CLN6: variants seen among roughly 807,000 people sequenced by gnomAD.
CLN6 encodes ceroid-lipofuscinosis neuronal protein 6.
CLN6 carries 22 observed loss-of-function variants against 33.3 expected under a neutral mutation model. That is an observed-to-expected ratio of 0.66 (90% CI 0.47 to 0.94). The LOEUF is 0.94. Among genes scored for constraint, CLN6 ranks in the 40% least tolerant of loss-of-function variants. CLN6 has a pLI of 0.00. For synonymous variants in CLN6, 201 were observed against 174.6 expected, an observed-to-expected ratio of 1.15 and a Z score of -1.19; for missense variants, 387 against 417.1, an observed-to-expected ratio of 0.93 and a Z score of 0.63.
intron 1 of CLN6, among the ~76,000 whole-genome samples, chr15:68,238,412 A>AG (rs1447808066): frequency 1.3e-5 from 2 of 152,154 alleles, no homozygotes; most frequent in East Asian, 3.9e-4. Flanking sequence ...AAAAAAAAAA[A>AG]GAAAAAGAAA....
intron 1 of CLN6, among the ~76,000 whole-genome samples, chr15:68,252,742 C>T (rs556554091): frequency 5.3e-5 from 8 of 152,222 alleles, no homozygotes; most frequent in African/African-American, 1.9e-4. Flanking sequence ...CACACATCAA[C>T]CTGGTCAAAT....
chr15:68,231,887 C>G (rs2093269117), upstream of CLN6, among the ~76,000 whole-genome samples: 1 of 152,198 alleles, frequency 6.6e-6, no homozygotes, highest in Non-Finnish European at 1.5e-5. Flanking sequence ...ACACCATCTT[C>G]ATTAGCTCTT....
Position 68,211,896 on chromosome 15 carries a change from CCA to C in CLN6, c.298-35_298-34del, listed in dbSNP as rs767729558. Reference sequence around the variant, plus strand: ...TCAGAGTGGGGTTGGCAGCATGACCCCACCTCTGTCACAGTATGTGACACCCT... The same window carrying C: ...TCAGAGTGGGGTTGGCAGCATGACCCCCTCTGTCACAGTATGTGACACCCT... On this transcript the variant is annotated intron_variant, in intron 3 of 6. Transcript: ENST00000249806. This position sits in a 1 kb window ranked among gnomAD's most constrained non-coding sequence, Gnocchi z 5.9. The C allele has an allele frequency of 2.5e-6, 4 of 1,607,364 alleles. No homozygotes were observed. The Admixed American group carries it at 6.7e-5, about 27-fold the overall frequency.
chr15:68,227,532 TG>T lies in CLN6; in HGVS notation c.83+1969del, dbSNP rs1006167231. 4.1e-4 allele frequency among the ~76,000 whole-genome samples: 62 copies of T among 152,238 alleles called. No homozygotes were observed. Among genetic ancestry groups the T allele is most frequent in the African/African-American group, 1.4e-3 (59 of 41,564 alleles). ...CTGGGAATGGGCTGAAGCCACATTG[TG>T]GGGGGCAGAGACACCCTGGGAGACA... is the stretch of plus-strand genomic sequence containing the variant. On this transcript the variant is annotated intron_variant, in intron 1 of 6. Coordinates refer to ENST00000249806, the MANE Select transcript of CLN6 (RefSeq NM_017882.3). The surrounding 1 kb of genome is among the most constrained non-coding windows in gnomAD (Gnocchi z 4.1).
rs1465052565 is a variant in CLN6, at chr15:68,228,198, A to G, written c.83+1304T>C. Among the ~76,000 whole-genome samples the G allele has an allele frequency of 6.6e-6, 1 of 152,176 alleles. No individual in the cohort carries two copies. Among genetic ancestry groups the G allele is most frequent in the East Asian group, 1.9e-4 (1 of 5,190 alleles). On this transcript the variant is annotated intron_variant, in intron 1 of 6. Coordinates refer to ENST00000249806, the MANE Select transcript of CLN6 (RefSeq NM_017882.3). This position sits in a 1 kb window ranked among gnomAD's most constrained non-coding sequence, Gnocchi z 4.4. ...AAACGGACACAGTCCGCAGCTGCTC[A>G]GCCCGCATGTCCGCAGCAGCAGAAA...
upstream of CLN6, among the ~76,000 whole-genome samples, chr15:68,233,099 G>A (rs773165319): frequency 2.0e-5 from 3 of 152,078 alleles, no homozygotes; most frequent in South Asian, 2.1e-4. This position sits in a 1 kb window ranked among gnomAD's most constrained non-coding sequence, Gnocchi z 4.3. Flanking sequence ...CCTTCCAGAC[G>A]GAGTGGTGGC....
At chr15:68,252,539 A>G (rs1419398000) in intron 1 of CLN6, among the ~76,000 whole-genome samples, 2 of 152,220 alleles carry the variant, frequency 1.3e-5, no homozygotes, top group East Asian at 3.8e-4. Flanking sequence ...TATTGTGTAA[A>G]TTGGTACAAT....
chr15:68,237,562 G>GA (rs748722984), intron 1 of CLN6, among the ~76,000 whole-genome samples: 1 of 152,126 alleles, frequency 6.6e-6, no homozygotes. Flanking sequence ...AAATAAAGCT[G>GA]AGTAGTGAAT....
chr15:68,208,094 G>GCCCCCCCCCCCCCCCC lies in CLN6; in HGVS notation c.*45_*46insGGGGGGGGGGGGGGGG. ...CTCCTGTATTCAGATGCCCTCCATG[G>GCCCCCCCCCCCCCCCC]CCCACCCTCCCACCCAGCAGAGCGC... On this transcript the variant is annotated 3_prime_UTR_variant, in exon 7 of 7. Coordinates refer to ENST00000249806, the MANE Select transcript of CLN6 (RefSeq NM_017882.3). This position sits in a 1 kb window ranked among gnomAD's most constrained non-coding sequence, Gnocchi z 5.8. 2.9e-6 allele frequency: 4 copies of GCCCCCCCCCCCCCCCC among 1,375,276 alleles called. No homozygotes were observed. Among genetic ancestry groups the GCCCCCCCCCCCCCCCC allele is most frequent in the Non-Finnish European group, 4.0e-6 (4 of 992,022 alleles). 85.2% of individuals were successfully genotyped at this position (1,375,276 alleles called of 1,614,324 possible).
At chr15:68,215,839 A>G (rs922828763) in intron 2 of CLN6, among the ~76,000 whole-genome samples, 7 of 152,162 alleles carry the variant, frequency 4.6e-5, no homozygotes, top group Admixed American at 3.9e-4. Context: ...AAGGATGTAT[A>G]TATGTGTTTG....
chr15:68,248,779 A>G (rs1010098186), intron 1 of CLN6, among the ~76,000 whole-genome samples: 3 of 152,232 alleles, frequency 2.0e-5, no homozygotes, highest in Admixed American at 1.3e-4. Context: ...GGCACAGACA[A>G]CAAAACCAAA....
In CLN6 at chr15:68,211,335, C is replaced by G; in HGVS notation, c.487-17G>C. 6.2e-7 allele frequency: 1 copy of G among 1,613,784 alleles called. No individual in the cohort carries two copies. Among genetic ancestry groups the G allele is most frequent in the Non-Finnish European group, 8.5e-7 (1 of 1,179,890 alleles). On this transcript the variant is annotated splice_polypyrimidine_tract_variant and intron_variant, in intron 4 of 6. Transcript: ENST00000249806. This position sits in a 1 kb window ranked among gnomAD's most constrained non-coding sequence, Gnocchi z 5.9. Reference sequence around the variant, plus strand: ...GGAGTCGATCTGAGGGAGGAACGGGCAGGGCAGAGTCGGGGGATGTCGATG... The same window carrying G: ...GGAGTCGATCTGAGGGAGGAACGGGGAGGGCAGAGTCGGGGGATGTCGATG...
At chr15:68,253,739 ACTT>A (rs1229078232) in intron 1 of CLN6, among the ~76,000 whole-genome samples, 7 of 152,236 alleles carry the variant, frequency 4.6e-5, no homozygotes, top group African/African-American at 1.4e-4. Flanking sequence ...GTCGGCAGAT[ACTT>A]CTTTTTTAGC....
chr15:68,233,227 C>A (rs1299354908), upstream of CLN6, among the ~76,000 whole-genome samples: 1 of 151,156 alleles, frequency 6.6e-6, no homozygotes, highest in Non-Finnish European at 1.5e-5. This position sits in a 1 kb window ranked among gnomAD's most constrained non-coding sequence, Gnocchi z 4.3. Flanking sequence ...ATACATGCTG[C>A]CCTGCTCTGC....
chr15:68,229,676 G>C lies in CLN6; in HGVS notation c.-92C>G. ...GCGGAGGCCGCCGCAAATTCCCAGCGCGGGGCGGTTCGGGGCGGGCCGGCG... is the reference window on the plus strand; with the variant it reads ...GCGGAGGCCGCCGCAAATTCCCAGCCCGGGGCGGTTCGGGGCGGGCCGGCG... On this transcript the variant is annotated 5_prime_UTR_variant, in exon 1 of 7. Coordinates refer to ENST00000249806, the MANE Select transcript of CLN6 (RefSeq NM_017882.3). 8.9e-7 allele frequency: 1 copy of C among 1,120,904 alleles called. No individual in the cohort carries two copies. The highest frequency in any genetic ancestry group is 1.2e-6 in the Non-Finnish European group (1 of 850,586). The allele number at this position is 1,120,904 out of a possible 1,614,324, so 69.4% of individuals were successfully genotyped here. A position where few individuals can be genotyped will look rare whatever the true frequency, so the allele number is the denominator to read the frequency against.
At chr15:68,239,327 G>C (rs917933761) in intron 1 of CLN6, among the ~76,000 whole-genome samples, 2 of 150,868 alleles carry the variant, frequency 1.3e-5, no homozygotes, top group Admixed American at 6.6e-5. Flanking sequence ...AAAAAAAATA[G>C]ACATACCTAA....
chr15:68,221,214 C>A, intron 1 of CLN6, among the ~76,000 whole-genome samples: 1 of 112,174 alleles, frequency 8.9e-6, no homozygotes, highest in Admixed American at 9.3e-5. Context: ...AAAGGGATCT[C>A]CCTCCCCCCT....
upstream of CLN6, chr15:68,229,752 GGCGGAGCGGAGCGGAGCGGA>G (rs55672378): frequency 1.5e-4 from 48 of 328,122 alleles, no homozygotes; most frequent in African/African-American, 1.0e-3. Context: ...CCCGGGGCGG[GGCGGAGCGGAGCGGAGCGGA>G]GCGGAGGGAG....
At chr15:68,213,382 G>T (rs1341721910) in intron 3 of CLN6, 1 of 151,984 alleles carries the variant, frequency 6.6e-6, no homozygotes, top group African/African-American at 2.4e-5. Flanking sequence ...GGGACTACAG[G>T]TGCCTGCCAG....
Sources: allele counts gnomAD v4.1 joint callset (sites outside exome capture counted in the v4.1 genomes callset), GRCh38; gene constraint gnomAD v4.1.1; non-coding constraint Gnocchi (gnomAD v3.1); transcripts MANE v1.5; gene names NCBI Gene and HGNC (gene_info 2026-07-23, HGNC 2026-07-21).